The following SLC24A2 variants were observed in gnomAD, a reference collection of about 807,000 sequenced individuals.
The protein encoded by SLC24A2 is sodium/potassium/calcium exchanger 2.
SLC24A2 carries 36 observed loss-of-function variants against 62.0 expected under a neutral mutation model. The ratio of observed to expected loss-of-function variants is 0.58; its 90% CI spans 0.44 to 0.77. The LOEUF (loss-of-function observed/expected upper bound fraction) is 0.77. Ranked by LOEUF, SLC24A2 falls within the 30% of genes least tolerant of loss-of-function variation. The pLI, the probability that SLC24A2 is intolerant of heterozygous loss-of-function variation, is 0.00. For synonymous variants in SLC24A2, 358 were observed against 294.0 expected (o/e 1.22, Z -2.23); for missense variants, 846 against 817.9 (o/e 1.03, Z -0.42).
chr9:19,619,110 G>A (rs1298062364), intron 4 of SLC24A2, among the ~76,000 whole-genome samples: 1 of 152,104 alleles, frequency 6.6e-6, no homozygotes, highest in Non-Finnish European at 1.5e-5. Flanking sequence ...AATTGCCAAA[G>A]GATCAGTACA....
intron 2 of SLC24A2, among the ~76,000 whole-genome samples, chr9:19,645,601 T>A (rs1221399765): frequency 6.6e-6 from 1 of 152,028 alleles, no homozygotes; most frequent in Non-Finnish European, 1.5e-5. Context: ...GGTGAGCACT[T>A]TCCAGGTGAG....
At chr9:19,869,092 T>A in the SLC24A2 span, among the ~76,000 whole-genome samples, 1 of 152,026 alleles carries the variant, frequency 6.6e-6, no homozygotes, top group East Asian at 1.9e-4. Context: ...AGTGATCCTC[T>A]GGCCTCAGCC....
chr9:19,718,456 C>T (rs1411856086), intron 2 of SLC24A2, among the ~76,000 whole-genome samples: 1 of 66,912 alleles, frequency 1.5e-5, no homozygotes, highest in South Asian at 7.6e-4. Context: ...CCATGCCTGG[C>T]TATTTTTTTT....
the SLC24A2 span, among the ~76,000 whole-genome samples, chr9:20,218,448 GTC>G: frequency 6.6e-6 from 1 of 152,206 alleles, no homozygotes; most frequent in Admixed American, 6.5e-5. Context: ...ACACACGTGT[GTC>G]TGCTTGTGTC....
chr9:20,069,552 C>T, the SLC24A2 span, among the ~76,000 whole-genome samples: 2 of 152,258 alleles, frequency 1.3e-5, no homozygotes, highest in Middle Eastern at 3.4e-3. Flanking sequence ...ACCCCAAAAC[C>T]ATCCAGGCAT....
chr9:19,853,201 C>A, the SLC24A2 span, among the ~76,000 whole-genome samples: 1 of 152,062 alleles, frequency 6.6e-6, no homozygotes, highest in Non-Finnish European at 1.5e-5. Flanking sequence ...GCTTAAGAAG[C>A]TTTTGGGCTG....
the SLC24A2 span, among the ~76,000 whole-genome samples, chr9:20,036,196 T>C: frequency 6.6e-6 from 1 of 152,346 alleles, no homozygotes; most frequent in South Asian, 2.1e-4. Flanking sequence ...GTATTTTCAT[T>C]ATATATTGAC....
chr9:19,730,866 C>G (rs991595035), intron 2 of SLC24A2, among the ~76,000 whole-genome samples: 1 of 141,486 alleles, frequency 7.1e-6, no homozygotes, highest in Non-Finnish European at 1.5e-5. Context: ...CACTTAAATC[C>G]TATAACTCTT....
chr9:19,556,676 T>C (rs556865092), intron 7 of SLC24A2, among the ~76,000 whole-genome samples: 2 of 152,180 alleles, frequency 1.3e-5, no homozygotes, highest in East Asian at 3.9e-4. Context: ...CTACCTCTTA[T>C]CATTGGGAAG....
the SLC24A2 span, among the ~76,000 whole-genome samples, chr9:20,102,658 G>A: frequency 1.3e-5 from 2 of 149,412 alleles, no homozygotes; most frequent in Non-Finnish European, 3.0e-5. Context: ...TTTTTAAAAT[G>A]CACTGCAAAA....
At chr9:20,232,821 G>A in the SLC24A2 span, among the ~76,000 whole-genome samples, 2 of 152,086 alleles carry the variant, frequency 1.3e-5, no homozygotes, top group African/African-American at 4.8e-5. Context: ...TGATGTTAGG[G>A]TGTCAATTTT....
At chr9:19,690,966 T>C (rs1165134829) in intron 2 of SLC24A2, among the ~76,000 whole-genome samples, 1 of 151,984 alleles carries the variant, frequency 6.6e-6, no homozygotes, top group African/African-American at 2.4e-5. Context: ...AGAATGTGTA[T>C]TGGCAAAAGA....
the SLC24A2 span, among the ~76,000 whole-genome samples, chr9:20,289,640 G>A: frequency 0.013 from 2,026 of 152,208 alleles, 53 homozygotes; most frequent in African/African-American, 0.045. Context: ...AGAGTCAGGC[G>A]CTCTTTTGTC....
At chr9:20,167,371 A>G in the SLC24A2 span, among the ~76,000 whole-genome samples, 1 of 151,994 alleles carries the variant, frequency 6.6e-6, no homozygotes, top group Non-Finnish European at 1.5e-5. Context: ...TTGGAAGCTG[A>G]AGTTCTTACT....
At chr9:19,615,104 G>A (rs1013435424) in intron 4 of SLC24A2, among the ~76,000 whole-genome samples, 1 of 152,120 alleles carries the variant, frequency 6.6e-6, no homozygotes, top group Non-Finnish European at 1.5e-5. Flanking sequence ...CACTAATGAA[G>A]GCTTTTGGCA....
intron 2 of SLC24A2, among the ~76,000 whole-genome samples, chr9:19,738,709 G>A (rs1821584022): frequency 6.6e-6 from 1 of 152,050 alleles, no homozygotes; most frequent in Admixed American, 6.6e-5. Context: ...CAATTAGGTT[G>A]TTTCCAACTC....
At chr9:19,681,412 T>C (rs550128259) in intron 2 of SLC24A2, among the ~76,000 whole-genome samples, 2 of 152,290 alleles carry the variant, frequency 1.3e-5, no homozygotes, top group East Asian at 3.9e-4. Flanking sequence ...TCCATAGCCC[T>C]TCTCATCTAC....
At chr9:19,639,481 C>G (rs1265865980) in intron 2 of SLC24A2, among the ~76,000 whole-genome samples, 1 of 152,202 alleles carries the variant, frequency 6.6e-6, no homozygotes, top group African/African-American at 2.4e-5. Flanking sequence ...TTTGAACAAG[C>G]CTGGGGTGCC....
the SLC24A2 span, among the ~76,000 whole-genome samples, chr9:19,970,133 A>AC: frequency 6.6e-6 from 1 of 151,764 alleles, no homozygotes; most frequent in Non-Finnish European, 1.5e-5. Context: ...TGCCCCCATC[A>AC]CCCCTCCACG....
Sources: allele counts gnomAD v4.1 joint callset (sites outside exome capture counted in the v4.1 genomes callset), GRCh38; gene constraint gnomAD v4.1.1; transcripts MANE v1.5; gene names NCBI Gene and HGNC (gene_info 2026-07-23, HGNC 2026-07-21).